NBPF20: variants seen among roughly 807,000 people sequenced by gnomAD.
NBPF20 encodes the protein NBPF member 20.
A neutral mutation model predicts 68.1 loss-of-function variants in NBPF20; 90 were observed. The ratio of observed to expected loss-of-function variants is 1.32; its 90% CI spans 1.11 to 1.58. The LOEUF (loss-of-function observed/expected upper bound fraction) is 1.58, where lower values mean the gene tolerates loss of function less well. Among genes scored for constraint, NBPF20 ranks in the 40% most tolerant of loss-of-function variants. The probability of loss-of-function intolerance (pLI) is 0.00; values close to 1 mark genes in which losing one functional copy is unlikely to be tolerated. For synonymous variants in NBPF20, 290 were observed against 228.1 expected (o/e 1.27, Z -2.45); for missense variants, 816 against 601.2 (o/e 1.36, Z -3.74).
At chr1:145,402,789 G>C (rs1227608822) in intron 3 of NBPF20, among the ~76,000 whole-genome samples, 38 of 149,994 alleles carry the variant, frequency 2.5e-4, no homozygotes, top group African/African-American at 6.4e-4. Flanking sequence ...GAATTGAAAA[G>C]ACGAAAGAAG....
intron 7 of NBPF20, among the ~76,000 whole-genome samples, chr1:145,397,786 T>A (rs1471974108): frequency 1.3e-5 from 2 of 152,098 alleles, no homozygotes; most frequent in Non-Finnish European, 2.9e-5. Context: ...AAACACAGAA[T>A]GGCAAATTGG....
At chr1:145,420,648 CACTGAAG>C in the NBPF20 span, among the ~76,000 whole-genome samples, 5 of 102,870 alleles carry the variant, frequency 4.9e-5, no homozygotes, top group African/African-American at 1.9e-4. Flanking sequence ...GAACACACAG[CACTGAAG>C]CTCCAGGACA....
intron 8 of NBPF20, 106 bp downstream of exon 13, chr1:145,394,872 C>A (rs1461134479): frequency 3.8e-6 from 6 of 1,578,018 alleles, no homozygotes; most frequent in Non-Finnish European, 3.5e-6. Flanking sequence ...GTTCAGCCCA[C>A]GGTGATGGCA....
exon 4 of NBPF20, chr1:145,402,243 G>A: frequency 6.2e-7 from 1 of 1,608,574 alleles, no homozygotes; most frequent in East Asian, 2.2e-5. Context: ...CCTGCCCCTG[G>A]GACTTGTCCG....
At chr1:145,393,136 G>C in exon 10 of NBPF20, 1 of 668,870 alleles carries the variant, frequency 1.5e-6, no homozygotes, top group East Asian at 2.8e-5. Flanking sequence ...ACTTCTGTAG[G>C]GCTGGCATGA....
upstream of NBPF20, among the ~76,000 whole-genome samples, chr1:145,407,469 A>G (rs1158625511): frequency 1.4e-5 from 2 of 147,450 alleles, no homozygotes; most frequent in Admixed American, 1.4e-4. Flanking sequence ...ACACGTATAT[A>G]TAATATATAT....
chr1:145,410,806 A>G, the NBPF20 span, among the ~76,000 whole-genome samples: 1 of 64,874 alleles, frequency 1.5e-5, no homozygotes, highest in East Asian at 4.1e-4. Flanking sequence ...ACGTATATGT[A>G]TATATATACG....
Position 145,397,514 on chromosome 1 carries a change from C to T in NBPF20, c.827+1535G>A, listed in dbSNP as rs1176136601. On this transcript the variant is annotated intron_variant, in intron 7 of 137. Coordinates refer to ENST00000369373, the Ensembl canonical transcript of NBPF20. ...TTCATAAGTGAAGGAGAAATAAATC[C>T]TTTACAGAGAAGCAAATGCTGAGAG... 3.9e-5 allele frequency among the ~76,000 whole-genome samples: 6 copies of T among 152,300 alleles called. No individual in the cohort carries two copies. The East Asian group carries it at 1.2e-3, about 29-fold the overall frequency.
Position 145,393,737 on chromosome 1 carries a change from A to T in NBPF20, c.1043+147T>A. On this transcript the variant is annotated intron_variant, in intron 9 of 137. Coordinates refer to ENST00000369373, the Ensembl canonical transcript of NBPF20. Reference sequence around the variant, plus strand: ...AAATGGAAACCTAAACATGTACTCTAATGAGAACCAGAAAGCAATGTAGTA... The same window carrying T: ...AAATGGAAACCTAAACATGTACTCTTATGAGAACCAGAAAGCAATGTAGTA... The T allele has an allele frequency of 3.3e-6, 5 of 1,511,814 alleles. No individual in the cohort carries two copies. The South Asian group carries it at 5.6e-5, about 17-fold the overall frequency. 93.6% of individuals were successfully genotyped at this position (1,511,814 alleles called of 1,614,324 possible). A position where few individuals can be genotyped will look rare whatever the true frequency, so the allele number is the denominator to read the frequency against.
chr1:145,414,833 T>G, the NBPF20 span, among the ~76,000 whole-genome samples: 5 of 145,364 alleles, frequency 3.4e-5, no homozygotes, highest in Non-Finnish European at 6.0e-5. Context: ...GTGGCTTTAC[T>G]GTTATCAATC....
exon 138 of NBPF20, chr1:145,291,718 T>A (rs782085156): frequency 3.1e-6 from 5 of 1,611,806 alleles, no homozygotes; most frequent in African/African-American, 2.7e-5. Flanking sequence ...ATCCATCCAG[T>A]GAGTCCTGTA....
At chr1:145,408,016 G>A (rs1249500847), upstream of NBPF20, 25 of 178,562 alleles carry the variant, frequency 1.4e-4, no homozygotes, top group Admixed American at 5.8e-4. Context: ...ACGGATCTTC[G>A]TATGAAGAGC....
At chr1:145,402,777 G>A (rs1662584457) in intron 3 of NBPF20, among the ~76,000 whole-genome samples, 1 of 149,654 alleles carries the variant, frequency 6.7e-6, no homozygotes, top group Non-Finnish European at 1.5e-5. Context: ...TGCAGATGGG[G>A]CGAATTGAAA....
intron 113 of NBPF20, among the ~76,000 whole-genome samples, chr1:145,311,096 G>T (rs1661466674): frequency 1.4e-5 from 1 of 69,340 alleles, no homozygotes; most frequent in Non-Finnish European, 2.6e-5. Context: ...ACACACTGAT[G>T]AAGGGGTCAA....
chr1:145,409,575 C>A (rs1396011701), upstream of NBPF20, among the ~76,000 whole-genome samples: 1 of 144,330 alleles, frequency 6.9e-6, no homozygotes, highest in Non-Finnish European at 1.5e-5. Context: ...TAGTATTAAA[C>A]GAGTTTTATT....
the NBPF20 span, among the ~76,000 whole-genome samples, chr1:145,410,714 G>A: frequency 2.1e-5 from 3 of 145,642 alleles, no homozygotes; most frequent in African/African-American, 5.0e-5. Flanking sequence ...GTGTGTGTGT[G>A]TGTGTGTGTG....
At chr1:145,421,323 G>A in the NBPF20 span, among the ~76,000 whole-genome samples, 3 of 152,024 alleles carry the variant, frequency 2.0e-5, no homozygotes, top group Admixed American at 6.5e-5. Context: ...CTGAGCTTTC[G>A]CTAGGTTATG....
chr1:145,400,470 A>G, exon 6 of NBPF20: 2 of 1,613,132 alleles, frequency 1.2e-6, no homozygotes, highest in Non-Finnish European at 1.7e-6. Flanking sequence ...TCTTCCTCAA[A>G]TGTGATTTTG....
At chr1:145,396,836 G>A (rs2101552181) in intron 7 of NBPF20, among the ~76,000 whole-genome samples, 1 of 142,816 alleles carries the variant, frequency 7.0e-6, no homozygotes, top group East Asian at 2.1e-4. Context: ...AGTTACATAT[G>A]TATACATGTC....
Sources: allele counts gnomAD v4.1 joint callset (sites outside exome capture counted in the v4.1 genomes callset), GRCh38; gene constraint gnomAD v4.1.1; transcripts MANE v1.5; gene names NCBI Gene and HGNC (gene_info 2026-07-23, HGNC 2026-07-21).